Variants in SIAH3 observed in about 807,000 individuals in gnomAD.
SIAH3 encodes the protein siah E3 ubiquitin protein ligase family member 3.
A neutral mutation model predicts 12.6 loss-of-function variants in SIAH3; 9 were observed. That is an observed-to-expected ratio of 0.72 (90% CI 0.43 to 1.25). The LOEUF (loss-of-function observed/expected upper bound fraction) is 1.25, where lower values mean the gene tolerates loss of function less well. Among genes scored for constraint, SIAH3 ranks in the 50% most tolerant of loss-of-function variants. SIAH3 has a pLI of 0.00. For synonymous variants in SIAH3, 154 were observed against 151.1 expected, an observed-to-expected ratio of 1.02 and a Z score of -0.14; for missense variants, 390 against 365.4, an observed-to-expected ratio of 1.07 and a Z score of -0.55.
chr13:45,798,675 G>A (rs1232875887), intron 1 of SIAH3, among the ~76,000 whole-genome samples: 1 of 152,194 alleles, frequency 6.6e-6, no homozygotes, highest in Non-Finnish European at 1.5e-5. Flanking sequence ...TCTAATCATG[G>A]CTTTGCTCAC....
chr13:45,816,362 C>T (rs1950634415), intron 1 of SIAH3, among the ~76,000 whole-genome samples: 1 of 152,202 alleles, frequency 6.6e-6, no homozygotes, highest in African/African-American at 2.4e-5. Context: ...GGAATAAAGA[C>T]ATGAAGTGAG....
intron 1 of SIAH3, among the ~76,000 whole-genome samples, chr13:45,789,967 G>A (rs1950540824): frequency 1.3e-5 from 2 of 152,302 alleles, no homozygotes; most frequent in South Asian, 4.1e-4. Flanking sequence ...TTGAGGAAAT[G>A]AGTGGTTTTC....
chr13:45,841,788 G>A (rs1950740976), intron 1 of SIAH3, among the ~76,000 whole-genome samples: 2 of 152,148 alleles, frequency 1.3e-5, no homozygotes, highest in African/African-American at 4.8e-5. Flanking sequence ...ACTTCATTTG[G>A]AGCCTCATCC....
chr13:45,821,158 A>G (rs975536848), intron 1 of SIAH3, among the ~76,000 whole-genome samples: 5 of 152,302 alleles, frequency 3.3e-5, no homozygotes, highest in Admixed American at 2.0e-4. Context: ...ATCTAATATG[A>G]CTGGTGTCTT....
At chr13:45,816,412 G>A (rs1181955636) in intron 1 of SIAH3, among the ~76,000 whole-genome samples, 1 of 152,210 alleles carries the variant, frequency 6.6e-6, no homozygotes, top group Non-Finnish European at 1.5e-5. Context: ...AGCCAAAGAA[G>A]ACAGGGTGTT....
At chr13:45,849,742 C>T (rs1400236564) in intron 1 of SIAH3, among the ~76,000 whole-genome samples, 2 of 152,156 alleles carry the variant, frequency 1.3e-5, no homozygotes, top group Non-Finnish European at 2.9e-5. Context: ...ACACAGAGAC[C>T]TTAACACCTC....
rs1950675993 is a variant in SIAH3 at position 45,826,403 on chromosome 13, G to GGGTGAGTGGCTGGGTA, written c.135+25091_135+25092insTACCCAGCCACTCACC. Among the ~76,000 whole-genome samples, 2 of 106,266 alleles carry GGGTGAGTGGCTGGGTA rather than the reference G, an allele frequency of 1.9e-5. 1 individual carries two copies. Among genetic ancestry groups the GGGTGAGTGGCTGGGTA allele is most frequent in the Non-Finnish European group, 3.9e-5 (2 of 51,262 alleles). 69.7% of individuals were successfully genotyped at this position (106,266 alleles called of 152,430 possible). ...TGAATGGATGGATGGATGGATGGAT[G>GGGTGAGTGGCTGGGTA]GATGGATGGATGGATGGATGGATGG... On this transcript the variant is annotated intron_variant, in intron 1 of 1. Coordinates refer to ENST00000400405, the MANE Select transcript of SIAH3 (RefSeq NM_198849.3).
At chr13:45,787,184 A>G (rs1279972495) in intron 1 of SIAH3, among the ~76,000 whole-genome samples, 1 of 152,012 alleles carries the variant, frequency 6.6e-6, no homozygotes, top group Non-Finnish European at 1.5e-5. Context: ...AAGACGGGTG[A>G]ATGGAGATAT....
At chr13:45,820,065 C>T (rs1277074138) in intron 1 of SIAH3, among the ~76,000 whole-genome samples, 1 of 152,176 alleles carries the variant, frequency 6.6e-6, no homozygotes, top group Non-Finnish European at 1.5e-5. Flanking sequence ...TGTGAAGCCT[C>T]CTTTATAAGG....
At chr13:45,831,934 A>G (rs1345827660) in intron 1 of SIAH3, among the ~76,000 whole-genome samples, 1 of 152,192 alleles carries the variant, frequency 6.6e-6, no homozygotes, top group East Asian at 1.9e-4. Context: ...GGTCCTTGAG[A>G]GCATACAGCC....
Position 45,781,570 on chromosome 13 carries a change from A to G in SIAH3, c.*1813T>C, listed in dbSNP as rs1370300145. ...ACTGCAGCATCTGACATGTGCCTCC[A>G]TCTGTGGCAATGTTTTTTGCCCCTC... On this transcript the variant is annotated 3_prime_UTR_variant, in exon 2 of 2. Transcript: ENST00000400405. 1.3e-5 allele frequency: 2 copies of G among 152,210 alleles called. No homozygotes were observed. The highest frequency in any genetic ancestry group is 4.8e-5 in the African/African-American group (2 of 41,454). The allele number at this position is 152,210 out of a possible 1,614,324, so 9.4% of individuals were successfully genotyped here.
chr13:45,800,945 C>G (rs1427902995), intron 1 of SIAH3, among the ~76,000 whole-genome samples: 1 of 152,124 alleles, frequency 6.6e-6, no homozygotes, highest in Non-Finnish European at 1.5e-5. Context: ...AGGGATGAAA[C>G]CTCGCTTCCA....
At chr13:45,838,756 C>T (rs1227773091) in intron 1 of SIAH3, among the ~76,000 whole-genome samples, 1 of 152,024 alleles carries the variant, frequency 6.6e-6, no homozygotes, top group Non-Finnish European at 1.5e-5. Flanking sequence ...ACTCTGGGGC[C>T]TCCTTTGGTG....
intron 1 of SIAH3, among the ~76,000 whole-genome samples, chr13:45,850,077 A>G (rs1400725365): frequency 6.6e-6 from 1 of 152,226 alleles, no homozygotes; most frequent in African/African-American, 2.4e-5. Flanking sequence ...GAGAGGCAAG[A>G]GCGCGCAAGC....
intron 1 of SIAH3, among the ~76,000 whole-genome samples, chr13:45,794,009 C>G (rs1282172035): frequency 6.6e-6 from 1 of 151,984 alleles, no homozygotes; most frequent in Non-Finnish European, 1.5e-5. Flanking sequence ...GGCTGCAAGC[C>G]AAGGAACACC....
intron 1 of SIAH3, among the ~76,000 whole-genome samples, chr13:45,804,307 A>T (rs2137559926): frequency 6.6e-6 from 1 of 152,298 alleles, no homozygotes; most frequent in East Asian, 1.9e-4. Flanking sequence ...ATGTTAAGTC[A>T]AAGAAGCCAG....
chr13:45,828,045 G>C (rs1252388938), intron 1 of SIAH3, among the ~76,000 whole-genome samples: 1 of 152,154 alleles, frequency 6.6e-6, no homozygotes, highest in Non-Finnish European at 1.5e-5. Context: ...TCCCACCTCT[G>C]CTAATGGACT....
At chr13:45,824,631 G>C (rs73472525) in intron 1 of SIAH3, among the ~76,000 whole-genome samples, 141 of 152,276 alleles carry the variant, frequency 9.3e-4, no homozygotes, top group African/African-American at 3.2e-3. Flanking sequence ...CCACTGTGGG[G>C]AAAGAGACCA....
intron 1 of SIAH3, among the ~76,000 whole-genome samples, chr13:45,849,682 T>C (rs1276976542): frequency 2.0e-5 from 3 of 152,120 alleles, no homozygotes; most frequent in Non-Finnish European, 4.4e-5. Flanking sequence ...CTTGTCAAAA[T>C]CCAGGCAGAC....
Sources: gnomAD v4.1 joint callset for allele counts (sites outside exome capture counted in the v4.1 genomes callset) on GRCh38, gnomAD v4.1.1 for gene constraint, MANE v1.5 for transcripts, NCBI Gene and HGNC (gene_info 2026-07-23, HGNC 2026-07-21) for gene names.